Variants in SIK2 observed in about 807,000 individuals in gnomAD.
SIK2 encodes serine/threonine-protein kinase SIK2.
In SIK2, 29 loss-of-function variants were observed where a neutral mutation model predicts 103.2. The ratio of observed to expected loss-of-function variants is 0.28; its 90% CI spans 0.21 to 0.38. The LOEUF (loss-of-function observed/expected upper bound fraction) is 0.38, where lower values mean the gene tolerates loss of function less well. Among genes scored for constraint, SIK2 ranks in the 10% least tolerant of loss-of-function variants. SIK2 has a pLI of 1.00. For synonymous variants in SIK2, 412 were observed against 446.1 expected (o/e 0.92, Z 0.96); for missense variants, 879 against 1,171.0 (o/e 0.75, Z 3.64).
intron 3 of SIK2, among the ~76,000 whole-genome samples, chr11:111,681,819 A>G (rs1044885432): frequency 1.3e-5 from 2 of 152,222 alleles, no homozygotes; most frequent in African/African-American, 4.8e-5. Flanking sequence ...TCATTGATTC[A>G]TGTAACAGCC....
At chr11:111,689,667 A>T (rs372838186) in intron 4 of SIK2, among the ~76,000 whole-genome samples, 9 of 152,350 alleles carry the variant, frequency 5.9e-5, no homozygotes, top group African/African-American at 2.2e-4. Flanking sequence ...TTGGATACTC[A>T]TTGAACTTAG....
chr11:111,613,187 G>C lies in SIK2; in HGVS notation c.136-3056G>C, dbSNP rs146379639. Among the ~76,000 whole-genome samples, 12 of 151,980 alleles carry C rather than the reference G, an allele frequency of 7.9e-5. No individual in the cohort carries two copies. The East Asian group carries it at 2.3e-3, about 29-fold the overall frequency. Reference sequence around the variant, plus strand: ...AGGAGCTTTCTCTGGGTAATACCTTGCTTTAATTGATATTTAATATCTAAA... The same window carrying C: ...AGGAGCTTTCTCTGGGTAATACCTTCCTTTAATTGATATTTAATATCTAAA... On this transcript the variant is annotated intron_variant, in intron 1 of 14. Transcript: ENST00000304987.
intron 3 of SIK2, among the ~76,000 whole-genome samples, chr11:111,676,109 T>C (rs868363098): frequency 9.2e-5 from 14 of 152,350 alleles, no homozygotes; most frequent in Non-Finnish European, 1.5e-4. Flanking sequence ...TTTTTATGGC[T>C]GTGTAGTACT....
intron 2 of SIK2, among the ~76,000 whole-genome samples, chr11:111,617,160 T>C (rs1461385162): frequency 6.6e-6 from 1 of 152,142 alleles, no homozygotes; most frequent in Admixed American, 6.6e-5. Flanking sequence ...TTTTTCATTG[T>C]TTTTTATAGC....
chr11:111,659,899 A>G (rs1332155021), intron 3 of SIK2, among the ~76,000 whole-genome samples: 1 of 152,240 alleles, frequency 6.6e-6, no homozygotes, highest in Non-Finnish European at 1.5e-5. Flanking sequence ...AAGGAGACAC[A>G]GGTTCTTTGC....
chr11:111,674,499 G>A (rs930702573), intron 3 of SIK2, among the ~76,000 whole-genome samples: 2 of 152,198 alleles, frequency 1.3e-5, no homozygotes, highest in African/African-American at 4.8e-5. Flanking sequence ...AATAATTAAT[G>A]TAGTCCGCAT....
chr11:111,615,949 T>C lies in SIK2; in HGVS notation c.136-294T>C, dbSNP rs1436423100. 3.3e-5 allele frequency among the ~76,000 whole-genome samples: 5 copies of C among 152,350 alleles called. No individual in the cohort carries two copies. The East Asian group carries it at 9.6e-4, about 29-fold the overall frequency. On this transcript the variant is annotated intron_variant, in intron 1 of 14. Coordinates refer to ENST00000304987, the MANE Select transcript of SIK2 (RefSeq NM_015191.3). The stretch of plus-strand genomic sequence containing the variant: ...TACTAATTTAATCAAATAAAGATTT[T>C]ATTTTTTCAGTTTGTACAGGAGAAA...
intron 1 of SIK2, among the ~76,000 whole-genome samples, chr11:111,608,439 A>G (rs1941676745): frequency 1.3e-5 from 2 of 152,170 alleles, no homozygotes; most frequent in African/African-American, 2.4e-5. Flanking sequence ...GAAAAGCCCA[A>G]AGAAGAAGAT....
chr11:111,724,055 C>G lies in SIK2; in HGVS notation c.2707C>G (p.Leu903Val). The G allele has an allele frequency of 6.2e-7, 1 of 1,614,128 alleles. No homozygotes were observed. ...CTACGACCCACTAGCCCTCTCTGAGCTACCTGGACTCTTTGATTGTGAAAT... is the reference window on the plus strand; with the variant it reads ...CTACGACCCACTAGCCCTCTCTGAGGTACCTGGACTCTTTGATTGTGAAAT... Reference protein sequence around the residue: ...SSYDPLALSELPGLFDCEMLD... With the variant: ...SSYDPLALSEVPGLFDCEMLD... Residue 903 changes from leucine (L) to valine (V), a missense_variant, in exon 15 of 15, where the codon CTA becomes GTA. This residue lies in a region of SIK2 where 375 missense variants were observed against 416.3 expected (regional missense o/e 0.90). Transcript: ENST00000304987.
intron 4 of SIK2, among the ~76,000 whole-genome samples, chr11:111,691,833 A>C (rs530005428): frequency 1.3e-5 from 2 of 152,324 alleles, no homozygotes; most frequent in South Asian, 4.1e-4. Flanking sequence ...CAAGACAAAA[A>C]CAGCAGCAGT....
At chr11:111,715,793 C>CTTTTTTTTTT (rs535843069) in intron 9 of SIK2, among the ~76,000 whole-genome samples, 22 of 81,600 alleles carry the variant, frequency 2.7e-4, no homozygotes, top group Middle Eastern at 0.018. Context: ...TCATTTTTAG[C>CTTTTTTTTTT]TTTTTTTTTT....
chr11:111,651,503 G>A (rs983446548), intron 3 of SIK2, among the ~76,000 whole-genome samples: 4 of 152,130 alleles, frequency 2.6e-5, no homozygotes, highest in African/African-American at 7.2e-5. Context: ...GACACAGGGC[G>A]GGGAACCACA....
intron 3 of SIK2, chr11:111,672,156 A>C (rs529595877): frequency 9.1e-5 from 40 of 438,638 alleles, no homozygotes; most frequent in Middle Eastern, 8.0e-4. Flanking sequence ...CTTCCAGCTT[A>C]AAAGAGCTTA....
chr11:111,650,414 C>T (rs1159273944), intron 3 of SIK2, among the ~76,000 whole-genome samples: 4 of 152,030 alleles, frequency 2.6e-5, no homozygotes, highest in East Asian at 1.9e-4. Context: ...AAAGCTCTTA[C>T]GACAATAACT....
chr11:111,724,008 G>T lies in SIK2; in HGVS notation c.2660G>T (p.Gly887Val), dbSNP rs1405008311. 6 of 1,614,186 alleles carry T rather than the reference G, an allele frequency of 3.7e-6. No homozygotes were observed. The highest frequency in any genetic ancestry group is 5.1e-6 in the Non-Finnish European group (6 of 1,180,038). The change falls in exon 15 of 15, where the codon GGA becomes GTA. Residue 887 changes from glycine (G) to valine (V), a missense_variant. Gly to Val is a moderately radical substitution (Grantham distance 109, BLOSUM62 -3). Coordinates refer to ENST00000304987, the MANE Select transcript of SIK2 (RefSeq NM_015191.3). ...LTGPDCPRSP[G>V]LQEAPSSYDP... The stretch of plus-strand genomic sequence containing the variant: ...GGGCCAGACTGTCCCAGAAGCCCAG[G>T]ACTGCAAGAGGCCCCCTCCAGCTAC...
chr11:111,701,536 C>G lies in SIK2; in HGVS notation c.688C>G (p.Leu230Val). The change falls in exon 6 of 15, where the codon CTG becomes GTG. Residue 230 changes from leucine to valine, a missense_variant. By Grantham distance (32) the Leu-to-Val change is conservative. Transcript: ENST00000304987. This position sits in a 1 kb window ranked among gnomAD's most constrained non-coding sequence, Gnocchi z 4.2. ...TCTTCCAATTTTGAGGCAGAGGGTT[C>G]TGGAAGGAAGATTCCGGATTCCGTA... ...PTLPILRQRV[L>V]EGRFRIPYFM... The G allele has an allele frequency of 6.2e-6, 10 of 1,613,878 alleles. No homozygotes were observed. Among genetic ancestry groups the G allele is most frequent in the Non-Finnish European group, 7.6e-6 (9 of 1,179,842 alleles).
chr11:111,721,228 G>A (rs976180716), intron 12 of SIK2, among the ~76,000 whole-genome samples, 166 bp downstream of exon 12: 2 of 152,148 alleles, frequency 1.3e-5, no homozygotes, highest in Admixed American at 6.5e-5. Context: ...TGCCACTGAC[G>A]GGTTCAACCC....
intron 3 of SIK2, among the ~76,000 whole-genome samples, chr11:111,629,546 A>G (rs1275069061): frequency 1.3e-5 from 2 of 152,208 alleles, no homozygotes; most frequent in East Asian, 3.8e-4. Flanking sequence ...GTTTGGAGAT[A>G]ATATCAGGAC....
chr11:111,605,067 A>T (rs1277096777), intron 1 of SIK2, among the ~76,000 whole-genome samples: 1 of 150,564 alleles, frequency 6.6e-6, no homozygotes, highest in African/African-American at 2.5e-5. Flanking sequence ...GGTTCGAGCG[A>T]TTCTCCTGCC....
Sources: allele counts gnomAD v4.1 joint callset (sites outside exome capture counted in the v4.1 genomes callset), GRCh38; gene constraint gnomAD v4.1.1; regional missense constraint gnomAD v4.1.1; non-coding constraint Gnocchi (gnomAD v3.1); transcripts MANE v1.5; gene names NCBI Gene and HGNC (gene_info 2026-07-23, HGNC 2026-07-21).